LARGE1: variants seen among roughly 807,000 people sequenced by gnomAD.
The protein encoded by LARGE1 is xylosyl- and glucuronyltransferase LARGE1.
Under a neutral mutation model 87.6 loss-of-function variants are expected in LARGE1, and 43 were observed. The ratio of observed to expected loss-of-function variants is 0.49; its 90% CI spans 0.38 to 0.63. The LOEUF is 0.63. Ranked by LOEUF, LARGE1 falls within the 30% of genes least tolerant of loss-of-function variation. LARGE1 has a pLI of 0.00. For missense variants in LARGE1, 802 were observed against 1,000.2 expected, an observed-to-expected ratio of 0.80 and a Z score of 2.67; for synonymous variants, 434 against 394.6, an observed-to-expected ratio of 1.10 and a Z score of -1.18.
chr22:33,319,271 AC>A, intron 10 of LARGE1, among the ~76,000 whole-genome samples: 1 of 152,236 alleles, frequency 6.6e-6, no homozygotes, highest in East Asian at 1.9e-4. Context: ...TGTTTCTTGC[AC>A]CCCTACCATT....
the LARGE1 span, among the ~76,000 whole-genome samples, chr22:33,093,822 C>CTTTTT: frequency 3.7e-4 from 30 of 81,568 alleles, no homozygotes; most frequent in Non-Finnish European, 4.8e-4. Context: ...TTCTTTCTTT[C>CTTTTT]TTTTTTTTTT....
At chr22:33,523,587 CCT>C (rs1341647261) in intron 6 of LARGE1, among the ~76,000 whole-genome samples, 1 of 152,112 alleles carries the variant, frequency 6.6e-6, no homozygotes, top group African/African-American at 2.4e-5. Context: ...GTGTGGTTGC[CCT>C]GTTTTAAATG....
chr22:33,490,949 C>A (rs555772278), intron 6 of LARGE1, among the ~76,000 whole-genome samples: 1 of 152,284 alleles, frequency 6.6e-6, no homozygotes, highest in South Asian at 2.1e-4. Flanking sequence ...TTTATTGTTG[C>A]CTACATGTTC....
intron 6 of LARGE1, among the ~76,000 whole-genome samples, chr22:33,488,209 G>A (rs938054740): frequency 6.6e-6 from 1 of 152,048 alleles, no homozygotes; most frequent in East Asian, 1.9e-4. Flanking sequence ...AATCAAACTC[G>A]GATTAAATTA....
intron 2 of LARGE1, among the ~76,000 whole-genome samples, chr22:33,749,457 T>C (rs1402696799): frequency 2.6e-5 from 4 of 152,234 alleles, no homozygotes; most frequent in African/African-American, 9.6e-5. Flanking sequence ...TGCAATGATG[T>C]TGAGTAACTT....
Position 33,838,778 on chromosome 22 carries a change from C to T in LARGE1, c.-82-77220G>A, listed in dbSNP as rs187553001. ...TTCTTCCTGAGATGATGTTCATCTC[C>T]CTCACTCCCCCAAAGGCTCCTGGGT... On this transcript the variant is annotated intron_variant, in intron 1 of 14. Transcript: ENST00000397394. 2.0e-5 allele frequency among the ~76,000 whole-genome samples: 3 copies of T among 152,270 alleles called. No homozygotes were observed. The East Asian group carries it at 5.8e-4, about 29-fold the overall frequency.
intron 2 of LARGE1, among the ~76,000 whole-genome samples, chr22:33,746,613 A>G (rs2084095399): frequency 6.6e-6 from 1 of 152,224 alleles, no homozygotes; most frequent in South Asian, 2.1e-4. Context: ...AGTCCACAGG[A>G]AAGTTCTAAA....
intron 2 of LARGE1, among the ~76,000 whole-genome samples, chr22:33,678,212 T>C (rs2081639529): frequency 6.6e-6 from 1 of 152,200 alleles, no homozygotes; most frequent in South Asian, 2.1e-4. Context: ...ATATTATGCA[T>C]GTGGAAAGGG....
chr22:33,561,138 G>C (rs1337237138), intron 6 of LARGE1, among the ~76,000 whole-genome samples: 1 of 152,214 alleles, frequency 6.6e-6, no homozygotes, highest in Admixed American at 6.5e-5. Context: ...AAAGCTTCTA[G>C]CTCAGTGCCT....
the LARGE1 span, among the ~76,000 whole-genome samples, chr22:33,154,709 T>A: frequency 6.6e-6 from 1 of 152,120 alleles, no homozygotes; most frequent in Non-Finnish European, 1.5e-5. Flanking sequence ...TTGGGTTAAA[T>A]GGAAAATATT....
At chr22:33,451,727 T>TA (rs1350411692) in intron 6 of LARGE1, among the ~76,000 whole-genome samples, 2 of 151,524 alleles carry the variant, frequency 1.3e-5, no homozygotes, top group Non-Finnish European at 2.9e-5. Flanking sequence ...CCCAGCTAAT[T>TA]TTTGAATTTT....
chr22:33,582,764 A>G (rs981363930), intron 5 of LARGE1, among the ~76,000 whole-genome samples: 2 of 152,336 alleles, frequency 1.3e-5, no homozygotes, highest in African/African-American at 4.8e-5. Context: ...TACTTCCACC[A>G]AAGTTCAGAC....
chr22:33,447,993 T>C (rs1447427047), intron 6 of LARGE1, among the ~76,000 whole-genome samples: 2 of 152,026 alleles, frequency 1.3e-5, no homozygotes, highest in Non-Finnish European at 2.9e-5. Flanking sequence ...ATGTCACATA[T>C]TGCATGACTA....
chr22:33,416,499 T>A (rs1416501297), intron 7 of LARGE1, among the ~76,000 whole-genome samples: 1 of 152,218 alleles, frequency 6.6e-6, no homozygotes, highest in Non-Finnish European at 1.5e-5. Context: ...TTCACTGTCC[T>A]TAATCTTCTG....
chr22:33,186,153 C>T (rs73881980), intron 11 of LARGE1, among the ~76,000 whole-genome samples: 4,591 of 152,244 alleles, frequency 0.03, 95 homozygotes, highest in Admixed American at 0.056. Context: ...GAAGAAACAA[C>T]ATTTTCCAAT....
At chr22:33,686,199 C>G (rs190596521) in intron 2 of LARGE1, among the ~76,000 whole-genome samples, 1 of 152,216 alleles carries the variant, frequency 6.6e-6, no homozygotes, top group African/African-American at 2.4e-5. Flanking sequence ...TGGTGCACAG[C>G]TGACCGGGCC....
At chr22:33,479,616 T>C (rs946454491) in intron 6 of LARGE1, among the ~76,000 whole-genome samples, 2 of 152,194 alleles carry the variant, frequency 1.3e-5, no homozygotes, top group African/African-American at 4.8e-5. Context: ...AGTAAATAAT[T>C]CCTACTCACC....
chr22:33,824,446 T>C (rs1003536318), intron 1 of LARGE1, among the ~76,000 whole-genome samples: 2 of 152,310 alleles, frequency 1.3e-5, no homozygotes, highest in Non-Finnish European at 2.9e-5. Flanking sequence ...TCATTCATTA[T>C]CACGAGAACA....
chr22:33,293,457 T>C (rs1932872870), intron 12 of LARGE1, among the ~76,000 whole-genome samples: 1 of 152,184 alleles, frequency 6.6e-6, no homozygotes, highest in African/African-American at 2.4e-5. Context: ...ATTAATGAAG[T>C]CTGCACCAGC....
Sources: allele counts gnomAD v4.1 joint callset (sites outside exome capture counted in the v4.1 genomes callset), GRCh38; gene constraint gnomAD v4.1.1; transcripts MANE v1.5; gene names NCBI Gene and HGNC (gene_info 2026-07-23, HGNC 2026-07-21).